The following RBFOX1 variants were observed in gnomAD, a reference collection of about 807,000 sequenced individuals.
The protein encoded by RBFOX1 is RNA binding protein fox-1 homolog 1.
A neutral mutation model predicts 57.7 loss-of-function variants in RBFOX1; 8 were observed. That is an observed-to-expected ratio of 0.14 (90% CI 0.08 to 0.25). The LOEUF (loss-of-function observed/expected upper bound fraction) is 0.25. RBFOX1 is among the 10% of genes least tolerant of loss of function. The probability of loss-of-function intolerance (pLI) is 1.00; values close to 1 mark genes in which losing one functional copy is unlikely to be tolerated. For missense variants in RBFOX1, 611 were observed against 548.5 expected (o/e 1.11, Z -1.14); for synonymous variants, 326 against 222.4 (o/e 1.47, Z -4.15).
intron 4 of RBFOX1, among the ~76,000 whole-genome samples, chr16:7,263,914 A>G (rs1293230698): frequency 1.4e-4 from 18 of 132,738 alleles, no homozygotes; most frequent in Non-Finnish European, 1.7e-4. Context: ...ATATATATAT[A>G]TAAATTAAAA....
At chr16:6,440,145 C>G (rs551263404) in intron 2 of RBFOX1, among the ~76,000 whole-genome samples, 1 of 152,082 alleles carries the variant, frequency 6.6e-6, no homozygotes, top group African/African-American at 2.4e-5. Flanking sequence ...CCATGTTGGC[C>G]AGGCTGGTCT....
intron 2 of RBFOX1, among the ~76,000 whole-genome samples, chr16:6,398,084 T>C (rs1361732610): frequency 1.3e-5 from 2 of 152,052 alleles, no homozygotes; most frequent in African/African-American, 4.8e-5. Flanking sequence ...AGCAAACACG[T>C]CCTTCTTCAC....
At chr16:5,718,928 A>G (rs1164008019) in intron 3 of RBFOX1, among the ~76,000 whole-genome samples, 3 of 151,904 alleles carry the variant, frequency 2.0e-5, no homozygotes, top group African/African-American at 7.3e-5. Flanking sequence ...GAATGAATGA[A>G]TGAATGAATG....
At chr16:5,408,016 C>G (rs2066911939) in intron 1 of RBFOX1, among the ~76,000 whole-genome samples, 1 of 152,224 alleles carries the variant, frequency 6.6e-6, no homozygotes, top group Non-Finnish European at 1.5e-5. Flanking sequence ...TGTCCTCCAC[C>G]TCCTGTGTGG....
intron 1 of RBFOX1, among the ~76,000 whole-genome samples, chr16:5,392,371 G>A (rs2066435802): frequency 1.3e-5 from 2 of 152,162 alleles, no homozygotes; most frequent in Admixed American, 6.5e-5. Context: ...TTCATCATCT[G>A]CAAAGGCCGT....
chr16:7,598,829 C>T (rs1473143731), intron 9 of RBFOX1, among the ~76,000 whole-genome samples: 1 of 152,052 alleles, frequency 6.6e-6, no homozygotes, highest in Non-Finnish European at 1.5e-5. Flanking sequence ...TTACACAAAA[C>T]AGATAAATAG....
rs2093828333 is a variant in RBFOX1 at position 7,014,848 on chromosome 16, C to T, written c.-15-37209C>T. Reference sequence around the variant, plus strand: ...CAAGCACTTCTCCTGCATTAGCCTCCTGAGTAGCTGAGATTACAGGCATGT... The same window carrying T: ...CAAGCACTTCTCCTGCATTAGCCTCTTGAGTAGCTGAGATTACAGGCATGT... On this transcript the variant is annotated intron_variant, in intron 3 of 15. Transcript: ENST00000550418. Among the ~76,000 whole-genome samples the T allele has an allele frequency of 2.0e-5, 3 of 152,126 alleles. No individual in the cohort carries two copies. In the South Asian group the frequency reaches 6.2e-4, roughly 32 times the overall value.
chr16:6,864,913 CT>C (rs2059634662), intron 3 of RBFOX1, among the ~76,000 whole-genome samples: 2 of 150,462 alleles, frequency 1.3e-5, no homozygotes, highest in African/African-American at 4.9e-5. Flanking sequence ...TCTCTTTTTG[CT>C]GATAAATCGA....
intron 3 of RBFOX1, among the ~76,000 whole-genome samples, chr16:6,962,510 C>T (rs1256893881): frequency 1.3e-5 from 2 of 152,252 alleles, no homozygotes; most frequent in Admixed American, 6.5e-5. Context: ...GGCATCCTTT[C>T]TTCTTACTTC....
rs574625161 is a variant in RBFOX1, at chr16:6,485,417, C to G, written c.-64+168360C>G. ...TCCTCCTTATCCCATTTTTTTTCAT[C>G]TACGTGTATTTCTTTCCATCTTTCT... On this transcript the variant is annotated intron_variant, in intron 2 of 15. Transcript: ENST00000550418. 5.9e-5 allele frequency among the ~76,000 whole-genome samples: 9 copies of G among 152,020 alleles called. No homozygotes were observed. In the Middle Eastern group the frequency reaches 0.01, roughly 172 times the overall value.
At chr16:5,845,599 G>T (rs2056736619) in intron 3 of RBFOX1, among the ~76,000 whole-genome samples, 1 of 152,172 alleles carries the variant, frequency 6.6e-6, no homozygotes, top group African/African-American at 2.4e-5. Flanking sequence ...ATTTCACTGT[G>T]CTTTTCTTTG....
chr16:7,635,509 C>G (rs2061607154), intron 11 of RBFOX1, among the ~76,000 whole-genome samples: 1 of 151,810 alleles, frequency 6.6e-6, no homozygotes, highest in African/African-American at 2.4e-5. Flanking sequence ...TGTGGACGCC[C>G]AGTATCTTTC....
At chr16:5,689,183 A>C (rs996413947) in intron 3 of RBFOX1, among the ~76,000 whole-genome samples, 2 of 152,224 alleles carry the variant, frequency 1.3e-5, no homozygotes, top group African/African-American at 4.8e-5. Flanking sequence ...GAGGGCAGCC[A>C]CACAGGTGGT....
At chr16:5,784,737 G>A (rs2054442550) in intron 3 of RBFOX1, among the ~76,000 whole-genome samples, 1 of 152,150 alleles carries the variant, frequency 6.6e-6, no homozygotes, top group Non-Finnish European at 1.5e-5. Context: ...GTGTCCTTAT[G>A]AATTGGATTA....
chr16:7,452,570 G>T (rs2057579215), intron 4 of RBFOX1, among the ~76,000 whole-genome samples: 1 of 152,196 alleles, frequency 6.6e-6, no homozygotes. Context: ...CTGTGGAAAG[G>T]TGTGGATTGA....
intron 4 of RBFOX1, among the ~76,000 whole-genome samples, chr16:7,339,839 A>C (rs1028552654): frequency 2.6e-5 from 4 of 152,224 alleles, no homozygotes; most frequent in Non-Finnish European, 4.4e-5. Context: ...AGCTTCAGGC[A>C]CTATTGAATT....
intron 4 of RBFOX1, among the ~76,000 whole-genome samples, chr16:7,078,937 T>A (rs192234603): frequency 1.4e-5 from 2 of 140,790 alleles, no homozygotes; most frequent in Admixed American, 1.5e-4. Flanking sequence ...CTTGAGCTCC[T>A]GACCTCGTGA....
chr16:5,543,400 G>A (rs1379319746), intron 2 of RBFOX1, among the ~76,000 whole-genome samples: 1 of 151,994 alleles, frequency 6.6e-6, no homozygotes, highest in African/African-American at 2.4e-5. Flanking sequence ...AAATTCATGG[G>A]GTGAAATCAA....
intron 2 of RBFOX1, among the ~76,000 whole-genome samples, chr16:6,602,165 AGTTT>A (rs1166286654): frequency 2.0e-5 from 3 of 151,190 alleles, no homozygotes; most frequent in African/African-American, 7.3e-5. Context: ...TTTAATTTGT[AGTTT>A]GTTGTTGCTG....
Sources: allele counts gnomAD v4.1 joint callset (sites outside exome capture counted in the v4.1 genomes callset), GRCh38; gene constraint gnomAD v4.1.1; transcripts MANE v1.5; gene names NCBI Gene and HGNC (gene_info 2026-07-23, HGNC 2026-07-21).